Variants in COL4A3 observed in about 807,000 individuals in gnomAD.
The protein encoded by COL4A3 is collagen alpha-3(IV) chain.
In COL4A3, 135 loss-of-function variants were observed where a neutral mutation model predicts 217.4. The observed-to-expected ratio is 0.62, with a 90% CI of 0.54 to 0.72. The LOEUF is 0.72. COL4A3 is among the 30% of genes least tolerant of loss of function. The pLI, the probability that COL4A3 is intolerant of heterozygous loss-of-function variation, is 0.00. For synonymous variants in COL4A3, 690 were observed against 736.3 expected (o/e 0.94, Z 1.02); for missense variants, 1,868 against 2,119.9 (o/e 0.88, Z 2.33).
rs373130348 is a variant in COL4A3, at chr2:227,254,697, T to C, written c.870T>C (p.Pro290=). The change falls in exon 15 of 52, where the codon CCT becomes CCC. Residue 290 remains proline (P), a synonymous_variant. Coordinates refer to ENST00000396578, the MANE Select transcript of COL4A3 (RefSeq NM_000091.5). Reference sequence around the variant, plus strand: ...CATATGGATCTGAAAAGGGTGCTCCTGGAGACCCTGGCCTGCAGGTAAATT... The same window carrying C: ...CATATGGATCTGAAAAGGGTGCTCCCGGAGACCCTGGCCTGCAGGTAAATT... ...GESYGSEKGA[P]GDPGLQGKPG... 30 of 1,613,158 alleles carry C rather than the reference T, an allele frequency of 1.9e-5. No individual in the cohort carries two copies. The highest frequency in any genetic ancestry group is 3.3e-4 in the Middle Eastern group (2 of 6,082).
chr2:227,233,971 T>C (rs926806689), intron 1 of COL4A3, among the ~76,000 whole-genome samples: 158 of 152,346 alleles, frequency 1.0e-3, no homozygotes, highest in African/African-American at 3.7e-3. Flanking sequence ...TCATTTTCTA[T>C]GGTCATTGAG....
intron 11 of COL4A3, among the ~76,000 whole-genome samples, chr2:227,251,658 A>G (rs1337267719): frequency 6.6e-6 from 1 of 152,228 alleles, no homozygotes; most frequent in East Asian, 1.9e-4. Context: ...CATCTCACAC[A>G]GCACATTATC....
intron 1 of COL4A3, among the ~76,000 whole-genome samples, chr2:227,172,315 G>A (rs2065506492): frequency 6.6e-6 from 1 of 152,138 alleles, no homozygotes; most frequent in Non-Finnish European, 1.5e-5. Context: ...TGATGAGGCG[G>A]GGGCCCTCTC....
chr2:227,269,032 C>T (rs529017465), intron 23 of COL4A3, among the ~76,000 whole-genome samples: 1 of 152,048 alleles, frequency 6.6e-6, no homozygotes, highest in Non-Finnish European at 1.5e-5. Context: ...AAAAGATACA[C>T]CCCAGCTCAA....
rs899674373 is a variant in COL4A3 at position 227,282,253 on chromosome 2, CAGAG to C, written c.2489-111_2489-108del. ...CCCCACTGCAATCCAGCCTAGAAGA[CAGAG>C]GGAGATTCCATCTTAAAAATATATA... On this transcript the variant is annotated intron_variant, in intron 31 of 51. Transcript: ENST00000396578. The surrounding 1 kb of genome is among the most constrained non-coding windows in gnomAD (Gnocchi z 4.4). The C allele has an allele frequency of 8.9e-6, 4 of 451,298 alleles. No individual in the cohort carries two copies. The African/African-American group carries it at 9.8e-5, about 11-fold the overall frequency. The allele number at this position is 451,298 out of a possible 1,614,324, so 28.0% of individuals were successfully genotyped here. A position where few individuals can be genotyped will look rare whatever the true frequency, so the allele number is the denominator to read the frequency against.
chr2:227,274,071 T>C (rs1378254421), intron 26 of COL4A3, among the ~76,000 whole-genome samples: 1 of 151,980 alleles, frequency 6.6e-6, no homozygotes, highest in Non-Finnish European at 1.5e-5. Context: ...CCCCCATCTC[T>C]ACTAAAAATA....
At chr2:227,271,102 C>A in intron 25 of COL4A3, 150 bp downstream of exon 25, 1 of 744,588 alleles carries the variant, frequency 1.3e-6, no homozygotes, top group Non-Finnish European at 2.4e-6. Flanking sequence ...CAGGAATAAC[C>A]CAAGCAAATA....
chr2:227,218,256 G>T (rs1014479713), intron 1 of COL4A3, among the ~76,000 whole-genome samples: 6 of 151,966 alleles, frequency 3.9e-5, no homozygotes, highest in Non-Finnish European at 8.8e-5. Flanking sequence ...CACGAGGTCA[G>T]GAGATCAAGA....
chr2:227,237,702 C>T (rs900330449), intron 1 of COL4A3: 18 of 351,704 alleles, frequency 5.1e-5, no homozygotes, highest in Middle Eastern at 1.9e-3. Flanking sequence ...ACGGCCATTA[C>T]TTTAACACTT....
chr2:227,188,558 GT>G (rs1162072645), intron 1 of COL4A3, among the ~76,000 whole-genome samples: 1 of 151,832 alleles, frequency 6.6e-6, no homozygotes, highest in Non-Finnish European at 1.5e-5. Flanking sequence ...ACTGGCTCAG[GT>G]TCTGTGGCTC....
At chr2:227,221,661 A>G (rs1049492800) in intron 1 of COL4A3, among the ~76,000 whole-genome samples, 2 of 151,850 alleles carry the variant, frequency 1.3e-5, no homozygotes, top group African/African-American at 4.8e-5. Flanking sequence ...TCTTTCCTGC[A>G]TTAATTTTTC....
At chr2:227,187,064 CATT>C (rs1220663176) in intron 1 of COL4A3, among the ~76,000 whole-genome samples, 1 of 152,174 alleles carries the variant, frequency 6.6e-6, no homozygotes, top group African/African-American at 2.4e-5. Context: ...TCTCCTCACT[CATT>C]AGAGATTTTC....
At chr2:227,228,167 C>T (rs2068201671) in intron 1 of COL4A3, among the ~76,000 whole-genome samples, 1 of 152,206 alleles carries the variant, frequency 6.6e-6, no homozygotes, top group African/African-American at 2.4e-5. Context: ...GAAGTGGCAG[C>T]TGCAGTGAGA....
intron 1 of COL4A3, among the ~76,000 whole-genome samples, chr2:227,224,429 A>C (rs945023645): frequency 2.6e-5 from 4 of 152,208 alleles, no homozygotes; most frequent in African/African-American, 7.2e-5. Context: ...CCAAACTGAA[A>C]AAACAAACAA....
intron 50 of COL4A3, 151 bp downstream of exon 50, chr2:227,309,469 C>CTTT: frequency 4.0e-6 from 2 of 496,514 alleles, no homozygotes. Flanking sequence ...TACAAACAGA[C>CTTT]TTTTTTTTTT....
intron 39 of COL4A3, 27 bp from the exon 40 acceptor site, chr2:227,294,937 T>C: frequency 6.9e-7 from 1 of 1,456,270 alleles, no homozygotes; most frequent in Non-Finnish European, 9.3e-7. Context: ...TAGTTTGGGG[T>C]TTTTGGGTTT....
chr2:227,250,185 C>G lies in COL4A3; in HGVS notation c.547-955C>G, dbSNP rs552733608. Among the ~76,000 whole-genome samples the G allele has an allele frequency of 1.3e-5, 2 of 151,946 alleles. No individual in the cohort carries two copies. Among genetic ancestry groups the G allele is most frequent in the Non-Finnish European group, 2.9e-5 (2 of 67,986 alleles). Reference sequence around the variant, plus strand: ...AAAATTAGCCAGGTGTGGTGGCGTGCGCCTGTAGTTCCAGCTACTTGGGAG... The same window carrying G: ...AAAATTAGCCAGGTGTGGTGGCGTGGGCCTGTAGTTCCAGCTACTTGGGAG... On this transcript the variant is annotated intron_variant, in intron 9 of 51. Transcript: ENST00000396578. The surrounding 1 kb of genome is among the most constrained non-coding windows in gnomAD (Gnocchi z 4.1).
At chr2:227,293,415 A>G (rs2072873637) in intron 38 of COL4A3, 98 bp downstream of exon 38, 1 of 1,373,100 alleles carries the variant, frequency 7.3e-7, no homozygotes, top group Non-Finnish European at 1.0e-6. Context: ...TTATACTTTT[A>G]TGCTGCAGTT....
intron 1 of COL4A3, among the ~76,000 whole-genome samples, chr2:227,219,577 G>A (rs2067676085): frequency 1.3e-5 from 2 of 152,088 alleles, no homozygotes; most frequent in South Asian, 2.1e-4. Flanking sequence ...ATATCCAAAC[G>A]TTTGTATTCC....
Sources: gnomAD v4.1 joint callset for allele counts (sites outside exome capture counted in the v4.1 genomes callset) on GRCh38, gnomAD v4.1.1 for gene constraint, Gnocchi (gnomAD v3.1) non-coding constraint, MANE v1.5 for transcripts, NCBI Gene and HGNC (gene_info 2026-07-23, HGNC 2026-07-21) for gene names.